PARD3: variants seen among roughly 807,000 people sequenced by gnomAD.
PARD3 encodes partitioning defective 3 homolog.
In PARD3, 75 loss-of-function variants were observed where a neutral mutation model predicts 155.4. That is an observed-to-expected ratio of 0.48 (90% confidence interval 0.40 to 0.58). The LOEUF (loss-of-function observed/expected upper bound fraction) is 0.58, where lower values mean the gene tolerates loss of function less well. Ranked by LOEUF, PARD3 falls within the 20% of genes least tolerant of loss-of-function variation. PARD3 has a pLI of 0.00. For missense variants in PARD3, 1,642 were observed against 1,721.7 expected, an observed-to-expected ratio of 0.95 and a Z score of 0.82; for synonymous variants, 576 against 610.5, an observed-to-expected ratio of 0.94 and a Z score of 0.83.
At chr10:34,657,688 G>T (rs1244439382) in intron 2 of PARD3, among the ~76,000 whole-genome samples, 1 of 152,038 alleles carries the variant, frequency 6.6e-6, no homozygotes, top group African/African-American at 2.4e-5. Context: ...ACAGGCACAC[G>T]CCACCACGCC....
chr10:34,222,970 G>A (rs201525737), intron 22 of PARD3, among the ~76,000 whole-genome samples: 3 of 152,176 alleles, frequency 2.0e-5, no homozygotes, highest in East Asian at 1.9e-4. Flanking sequence ...AAACCTTTTC[G>A]CAGGTGTACC....
intron 3 of PARD3, among the ~76,000 whole-genome samples, chr10:34,512,331 C>A (rs973285236): frequency 3.9e-5 from 6 of 152,152 alleles, no homozygotes; most frequent in African/African-American, 1.4e-4. Flanking sequence ...TTGCTGGCTT[C>A]TTTATTATCA....
Position 34,348,134 on chromosome 10 carries a change from G to T in PARD3, c.2068-19C>A, listed in dbSNP as rs747762954. The T allele has an allele frequency of 6.3e-7, 1 of 1,579,660 alleles. No individual in the cohort carries two copies. The highest frequency in any genetic ancestry group is 8.6e-7 in the Non-Finnish European group (1 of 1,164,422). ...ACTTCAGCTACAGAGTAACGGGTAT[G>T]GGGGCAAAGAAAAATCAGTACCTGG... is the stretch of plus-strand genomic sequence containing the variant. On this transcript the variant is annotated intron_variant, in intron 14 of 24. Transcript: ENST00000374788.
chr10:34,424,946 A>T (rs1254504245), intron 5 of PARD3, among the ~76,000 whole-genome samples: 1 of 152,164 alleles, frequency 6.6e-6, no homozygotes, highest in Non-Finnish European at 1.5e-5. Flanking sequence ...TTCTCTTAGC[A>T]TTCCACATTT....
At chr10:34,473,584 GGAGGCAGGACTTGACTGCA>G (rs2078505900) in intron 3 of PARD3, among the ~76,000 whole-genome samples, 1 of 152,256 alleles carries the variant, frequency 6.6e-6, no homozygotes, top group African/African-American at 2.4e-5. Flanking sequence ...TCCTAGTGTA[GGAGGCAGGACTTGACTGCA>G]GAGGCAGGGC....
intron 22 of PARD3, among the ~76,000 whole-genome samples, chr10:34,253,926 G>C (rs1954481481): frequency 6.6e-6 from 1 of 152,120 alleles, no homozygotes; most frequent in African/African-American, 2.4e-5. Flanking sequence ...GCAGAGACTT[G>C]GAAGCGTGGG....
rs533987584 is a variant in PARD3 at position 34,560,493 on chromosome 10, C to T, written c.223-43334G>A. ...CACAAGGCCAATACAGACAATGTCA[C>T]AAAAAAACAAAACAATCTACTAAGT... On this transcript the variant is annotated intron_variant, in intron 2 of 24. Coordinates refer to ENST00000374788, the MANE Select transcript of PARD3 (RefSeq NM_001184785.2). Among the ~76,000 whole-genome samples, 11 of 152,082 alleles carry T rather than the reference C, an allele frequency of 7.2e-5. 1 individual carries two copies. Among genetic ancestry groups the T allele is most frequent in the Admixed American group, 2.6e-4 (4 of 15,274 alleles).
At chr10:34,310,266 G>A (rs1957633948) in intron 20 of PARD3, among the ~76,000 whole-genome samples, 1 of 152,164 alleles carries the variant, frequency 6.6e-6, no homozygotes, top group Non-Finnish European at 1.5e-5. Flanking sequence ...AGCTGAGCTT[G>A]TCTTCTAAGT....
chr10:34,119,929 C>G (rs906663045), intron 23 of PARD3, among the ~76,000 whole-genome samples, 189 bp from the exon 24 acceptor site: 1 of 149,968 alleles, frequency 6.7e-6, no homozygotes, highest in Non-Finnish European at 1.5e-5. Flanking sequence ...CATAAACACT[C>G]AATTTTCTTA....
At chr10:34,599,346 T>A (rs535589423) in intron 2 of PARD3, among the ~76,000 whole-genome samples, 2 of 152,226 alleles carry the variant, frequency 1.3e-5, no homozygotes, top group East Asian at 3.9e-4. Context: ...CTCTCCACCG[T>A]CCAAAATGAT....
At chr10:34,454,842 A>G (rs1312043725) in intron 4 of PARD3, among the ~76,000 whole-genome samples, 6 of 152,214 alleles carry the variant, frequency 3.9e-5, no homozygotes, top group African/African-American at 1.4e-4. Flanking sequence ...TGGGAAATGC[A>G]TATTAATTTG....
intron 22 of PARD3, among the ~76,000 whole-genome samples, chr10:34,216,694 T>G (rs1008884177): frequency 6.6e-6 from 1 of 152,266 alleles, no homozygotes; most frequent in African/African-American, 2.4e-5. Flanking sequence ...TTAAGTGATA[T>G]GCTTATCCTT....
chr10:34,639,443 C>T (rs931197444), intron 2 of PARD3, among the ~76,000 whole-genome samples: 1 of 151,970 alleles, frequency 6.6e-6, no homozygotes, highest in African/African-American at 2.4e-5. Flanking sequence ...TTTAAACAAA[C>T]AGGAATGAAG....
chr10:34,798,484 C>T (rs1250784638), intron 1 of PARD3, among the ~76,000 whole-genome samples: 3 of 151,900 alleles, frequency 2.0e-5, no homozygotes, highest in African/African-American at 7.2e-5. Context: ...GCAGGTGGAT[C>T]ACCTGAGGTC....
intron 22 of PARD3, among the ~76,000 whole-genome samples, chr10:34,214,265 G>A (rs987957932): frequency 6.6e-6 from 1 of 152,066 alleles, no homozygotes; most frequent in African/African-American, 2.4e-5. Context: ...GCTCTTCAGG[G>A]TTCACAAATT....
chr10:34,678,262 C>T (rs752542633), intron 2 of PARD3, among the ~76,000 whole-genome samples: 8 of 151,886 alleles, frequency 5.3e-5, no homozygotes, highest in South Asian at 4.2e-4. Flanking sequence ...TTTGTAGAGA[C>T]GGGGTTTCAC....
intron 19 of PARD3, 46 bp downstream of exon 19, chr10:34,331,071 T>C (rs897271397): frequency 4.1e-6 from 6 of 1,479,042 alleles, no homozygotes; most frequent in Non-Finnish European, 4.7e-6. Flanking sequence ...CTTTAAGAAA[T>C]AGAGTCTAAT....
chr10:34,252,673 C>T (rs1954389702), intron 22 of PARD3, among the ~76,000 whole-genome samples: 1 of 151,976 alleles, frequency 6.6e-6, no homozygotes, highest in African/African-American at 2.4e-5. Context: ...TACTATTATT[C>T]TGAGAACACA....
intron 2 of PARD3, among the ~76,000 whole-genome samples, chr10:34,581,238 T>TTCTTTTC (rs1246314154): frequency 3.7e-5 from 5 of 135,402 alleles, no homozygotes; most frequent in Admixed American, 3.6e-4. Context: ...TCTTTTCTTT[T>TTCTTTTC]TTTTTTTTTT....
Sources: allele counts gnomAD v4.1 joint callset (sites outside exome capture counted in the v4.1 genomes callset), GRCh38; gene constraint gnomAD v4.1.1; transcripts MANE v1.5; gene names NCBI Gene and HGNC (gene_info 2026-07-23, HGNC 2026-07-21).